The following SNTB1 variants were observed in gnomAD, a reference collection of about 807,000 sequenced individuals.
The protein encoded by SNTB1 is beta-1-syntrophin.
A neutral mutation model predicts 48.9 loss-of-function variants in SNTB1; 36 were observed. The ratio of observed to expected loss-of-function variants is 0.74; its 90% CI spans 0.56 to 0.97. The LOEUF is 0.97. SNTB1 is among the 50% of genes least tolerant of loss of function. The probability of loss-of-function intolerance (pLI) is 0.00; values close to 1 mark genes in which losing one functional copy is unlikely to be tolerated. For missense variants in SNTB1, 786 were observed against 703.4 expected (o/e 1.12, Z -1.33); for synonymous variants, 299 against 294.6 (o/e 1.01, Z -0.15).
At chr8:120,569,804 G>A (rs541622855) in intron 4 of SNTB1, among the ~76,000 whole-genome samples, 16 of 152,292 alleles carry the variant, frequency 1.1e-4, no homozygotes, top group African/African-American at 3.6e-4. Flanking sequence ...AGGAGGGTGA[G>A]GATCTGAATT....
chr8:120,712,951 C>T (rs73706731), intron 1 of SNTB1, among the ~76,000 whole-genome samples: 2,069 of 152,238 alleles, frequency 0.014, 50 homozygotes, highest in African/African-American at 0.046. Context: ...GTCTTCTCCT[C>T]GTTACTATTG....
rs200456492 is a variant in SNTB1 at position 120,684,363 on chromosome 8, C to T, written c.788+9329G>A. ...GTCTTTCTCACATGCAAAATACATT[C>T]ATTCCATCACAATAGCCCCCAAAAT... On this transcript the variant is annotated intron_variant, in intron 2 of 6. Coordinates refer to ENST00000517992, the MANE Select transcript of SNTB1 (RefSeq NM_021021.4). Among the ~76,000 whole-genome samples the T allele has an allele frequency of 2.4e-4, 36 of 152,312 alleles. 1 individual carries two copies. In the East Asian group the frequency reaches 6.7e-3, roughly 29 times the overall value.
chr8:120,743,808 T>A (rs918396330), intron 1 of SNTB1, among the ~76,000 whole-genome samples: 1 of 152,174 alleles, frequency 6.6e-6, no homozygotes, highest in Non-Finnish European at 1.5e-5. Context: ...CAGGGTCCAA[T>A]ACAATAAAAT....
chr8:120,684,006 TG>T (rs1379286621), intron 2 of SNTB1, among the ~76,000 whole-genome samples: 2 of 152,240 alleles, frequency 1.3e-5, no homozygotes, highest in Non-Finnish European at 2.9e-5. Flanking sequence ...TACTTCTGAC[TG>T]GGAAACTTAT....
chr8:120,781,161 G>C (rs540858430), intron 1 of SNTB1, among the ~76,000 whole-genome samples: 1 of 152,350 alleles, frequency 6.6e-6, no homozygotes, highest in South Asian at 2.1e-4. Flanking sequence ...GTAGTAAGTG[G>C]TGGGGAGCAA....
intron 3 of SNTB1, among the ~76,000 whole-genome samples, chr8:120,583,559 AC>A (rs1563823703): frequency 4.9e-5 from 7 of 143,550 alleles, no homozygotes; most frequent in African/African-American, 1.8e-4. Flanking sequence ...ACACACACAC[AC>A]AAAACTGGAA....
At chr8:120,734,902 A>G (rs1378476628) in intron 1 of SNTB1, among the ~76,000 whole-genome samples, 1 of 152,228 alleles carries the variant, frequency 6.6e-6, no homozygotes, top group Non-Finnish European at 1.5e-5. Context: ...CTATAAGTGG[A>G]TGAGAAAGCT....
At chr8:120,567,435 A>T (rs1163756395) in intron 4 of SNTB1, among the ~76,000 whole-genome samples, 6 of 63,538 alleles carry the variant, frequency 9.4e-5, no homozygotes, top group African/African-American at 5.8e-5. Context: ...TTTTTTTTTT[A>T]AAGAGACAGG....
At chr8:120,751,972 C>T (rs781482252) in intron 1 of SNTB1, among the ~76,000 whole-genome samples, 1 of 152,144 alleles carries the variant, frequency 6.6e-6, no homozygotes, top group Non-Finnish European at 1.5e-5. Context: ...ATGTTGTAGA[C>T]GATCTTGGCA....
intron 1 of SNTB1, among the ~76,000 whole-genome samples, chr8:120,745,373 C>G (rs1481476362): frequency 6.6e-6 from 1 of 152,036 alleles, no homozygotes; most frequent in Non-Finnish European, 1.5e-5. Context: ...CCATTTCCTG[C>G]CAGGACCTTG....
intron 1 of SNTB1, among the ~76,000 whole-genome samples, chr8:120,790,929 G>A (rs1214880228): frequency 2.6e-5 from 4 of 151,616 alleles, no homozygotes; most frequent in African/African-American, 9.7e-5. Context: ...AGCCCAAATA[G>A]CCAAGGCAAT....
chr8:120,592,988 T>C (rs912858009), intron 3 of SNTB1, among the ~76,000 whole-genome samples: 2 of 152,208 alleles, frequency 1.3e-5, no homozygotes, highest in African/African-American at 4.8e-5. Flanking sequence ...GCTTTTTTTG[T>C]TGTTGTTGGC....
chr8:120,560,431 C>T (rs764852202), intron 4 of SNTB1, among the ~76,000 whole-genome samples: 3 of 152,044 alleles, frequency 2.0e-5, no homozygotes, highest in Non-Finnish European at 2.9e-5. Context: ...TGCAGTGAGC[C>T]GAGATTGCGC....
intron 3 of SNTB1, among the ~76,000 whole-genome samples, chr8:120,615,123 T>A (rs1816692253): frequency 6.6e-6 from 1 of 151,908 alleles, no homozygotes. Context: ...TGCACTCCAG[T>A]GTGGTGACAG....
intron 2 of SNTB1, among the ~76,000 whole-genome samples, chr8:120,671,588 G>T (rs1191035566): frequency 6.6e-6 from 1 of 152,198 alleles, no homozygotes; most frequent in African/African-American, 2.4e-5. Flanking sequence ...CTTCGAAGTG[G>T]TACCTTGCGG....
rs569610461 is a variant in SNTB1, at chr8:120,603,833, G to A, written c.997-28608C>T. On this transcript the variant is annotated intron_variant, in intron 3 of 6. Transcript: ENST00000517992. Reference sequence around the variant, plus strand: ...TGATCAATTCACTAATCAATCTTGGGAGGAATAAAGCTCTTTCTAATGGAA... The same window carrying A: ...TGATCAATTCACTAATCAATCTTGGAAGGAATAAAGCTCTTTCTAATGGAA... Among the ~76,000 whole-genome samples, 6 of 152,288 alleles carry A rather than the reference G, an allele frequency of 3.9e-5. No individual in the cohort carries two copies. The South Asian group carries it at 1.2e-3, about 32-fold the overall frequency.
intron 1 of SNTB1, among the ~76,000 whole-genome samples, chr8:120,744,168 G>C (rs907063671): frequency 6.7e-6 from 1 of 149,178 alleles, no homozygotes; most frequent in Non-Finnish European, 1.5e-5. Context: ...GAAGGTAATG[G>C]GATGGGGAAA....
intron 1 of SNTB1, among the ~76,000 whole-genome samples, chr8:120,785,600 T>A (rs1312426737): frequency 1.3e-5 from 2 of 152,202 alleles, no homozygotes; most frequent in Non-Finnish European, 2.9e-5. Flanking sequence ...GAGAAGCCAG[T>A]GCATGGACTT....
chr8:120,661,433 T>C (rs1817585934), intron 2 of SNTB1, among the ~76,000 whole-genome samples: 1 of 152,196 alleles, frequency 6.6e-6, no homozygotes, highest in African/African-American at 2.4e-5. Flanking sequence ...AGGTCACACT[T>C]GCAGGTACTA....
Sources: gnomAD v4.1 joint callset for allele counts (sites outside exome capture counted in the v4.1 genomes callset) on GRCh38, gnomAD v4.1.1 for gene constraint, MANE v1.5 for transcripts, NCBI Gene and HGNC (gene_info 2026-07-23, HGNC 2026-07-21) for gene names.